Variants in FNTB observed in about 807,000 individuals in gnomAD.
FNTB encodes protein farnesyltransferase subunit beta.
Under a neutral mutation model 59.4 loss-of-function variants are expected in FNTB, and 27 were observed. The ratio of observed to expected loss-of-function variants is 0.45; its 90% CI spans 0.34 to 0.63. The LOEUF is 0.63. FNTB is among the 20% of genes least tolerant of loss of function. FNTB has a pLI of 0.02. For missense variants in FNTB, 449 were observed against 559.6 expected (o/e 0.80, Z 1.99); for synonymous variants, 230 against 220.7 (o/e 1.04, Z -0.37).
At chr14:65,005,503 TTCTTTCTTTCTC>T (rs1321340800) in intron 2 of FNTB, among the ~76,000 whole-genome samples, 2 of 114,616 alleles carry the variant, frequency 1.7e-5, no homozygotes, top group Middle Eastern at 4.0e-3. Flanking sequence ...CTTTCTTTCT[TTCTTTCTTTCTC>T]TCTCTCTTTC....
At chr14:65,058,323 T>C (rs2062788415) in intron 11 of FNTB, among the ~76,000 whole-genome samples, 1 of 152,060 alleles carries the variant, frequency 6.6e-6, no homozygotes, top group Non-Finnish European at 1.5e-5. Flanking sequence ...CTGGAATCTT[T>C]TCTTATTTTC....
chr14:65,045,128 C>A (rs1249856512), intron 9 of FNTB, among the ~76,000 whole-genome samples: 1 of 150,774 alleles, frequency 6.6e-6, no homozygotes, highest in Non-Finnish European at 1.5e-5. Context: ...TGGGAACATT[C>A]TCTCTCTATC....
intron 2 of FNTB, among the ~76,000 whole-genome samples, chr14:65,010,066 T>A (rs1192337796): frequency 6.6e-6 from 1 of 152,220 alleles, no homozygotes; most frequent in African/African-American, 2.4e-5. Flanking sequence ...CTGCTCTGAA[T>A]GCTCTTGGAG....
rs751363609 is a variant in FNTB at position 65,027,809 on chromosome 14, C to T, written c.605+28C>T. The T allele has an allele frequency of 2.5e-6, 4 of 1,613,696 alleles. No individual in the cohort carries two copies. The Admixed American group carries it at 5.0e-5, about 20-fold the overall frequency. Reference sequence around the variant, plus strand: ...GAGTGGGGTTTTGCACAGGCTGCCACATCAGTTGACTCTAGAGCTCATCTG... The same window carrying T: ...GAGTGGGGTTTTGCACAGGCTGCCATATCAGTTGACTCTAGAGCTCATCTG... On this transcript the variant is annotated intron_variant, in intron 6 of 11. Coordinates refer to ENST00000246166, the MANE Select transcript of FNTB (RefSeq NM_002028.4). This position sits in a 1 kb window ranked among gnomAD's most constrained non-coding sequence, Gnocchi z 5.7.
At position 65,047,437 on chromosome 14, in the gene FNTB, C is replaced by T. The variant is rs1035205136; in HGVS notation, c.955+2994C>T. Among the ~76,000 whole-genome samples, 4 of 152,180 alleles carry T rather than the reference C, an allele frequency of 2.6e-5. No individual in the cohort carries two copies. Among genetic ancestry groups the T allele is most frequent in the African/African-American group, 9.7e-5 (4 of 41,422 alleles). The stretch of plus-strand genomic sequence containing the variant: ...ATCCAACGAAAAATTGTTTAGCTCA[C>T]TTGTAGTAAAAGAAATGCTAATCAA... On this transcript the variant is annotated intron_variant, in intron 9 of 11. Coordinates refer to ENST00000246166, the MANE Select transcript of FNTB (RefSeq NM_002028.4). The surrounding 1 kb of genome is among the most constrained non-coding windows in gnomAD (Gnocchi z 5.2).
intron 2 of FNTB, chr14:65,006,056 G>T (rs2061581912): frequency 7.3e-6 from 10 of 1,376,256 alleles, no homozygotes; most frequent in Admixed American, 2.3e-5. Context: ...TTGACTTCTT[G>T]AGATCTTCTA....
At position 65,032,750 on chromosome 14, in the gene FNTB, C is replaced by G; in HGVS notation, c.692+54C>G. The G allele has an allele frequency of 6.5e-7, 1 of 1,547,146 alleles. No individual in the cohort carries two copies. Among genetic ancestry groups the G allele is most frequent in the Non-Finnish European group, 8.8e-7 (1 of 1,140,552 alleles). ...TCTTGGAGAGCAGGCGGTCACGACA[C>G]TACTTCAGAAAAATAAAGAAAATGC... On this transcript the variant is annotated intron_variant, in intron 7 of 11. Coordinates refer to ENST00000246166, the MANE Select transcript of FNTB (RefSeq NM_002028.4). The surrounding 1 kb of genome is among the most constrained non-coding windows in gnomAD (Gnocchi z 5.0).
At chr14:64,987,183 T>G in intron 1 of FNTB, 86 bp downstream of exon 1, 2 of 1,500,492 alleles carry the variant, frequency 1.3e-6, no homozygotes, top group Non-Finnish European at 1.8e-6. Flanking sequence ...GGTGCGGAAC[T>G]CACCGGGGAA....
At chr14:65,039,798 A>G (rs2062303526) in intron 7 of FNTB, among the ~76,000 whole-genome samples, 1 of 152,228 alleles carries the variant, frequency 6.6e-6, no homozygotes, top group Admixed American at 6.5e-5. Context: ...TTTTAAAAAT[A>G]ACGTTTATTT....
intron 2 of FNTB, among the ~76,000 whole-genome samples, chr14:65,004,726 A>G (rs2061554809): frequency 6.6e-6 from 1 of 151,798 alleles, no homozygotes; most frequent in South Asian, 2.1e-4. Context: ...GCAGTGGCAC[A>G]ATCTCGGCTC....
intron 7 of FNTB, among the ~76,000 whole-genome samples, 178 bp from the exon 8 acceptor site, chr14:65,040,604 CTTTTTTTT>C (rs35890649): frequency 8.5e-6 from 1 of 117,326 alleles, no homozygotes; most frequent in South Asian, 2.7e-4. Context: ...CCAGGCCCAG[CTTTTTTTT>C]TTTTTTTTTT....
At chr14:65,035,199 CT>C (rs1197140486) in intron 7 of FNTB, among the ~76,000 whole-genome samples, 2 of 152,302 alleles carry the variant, frequency 1.3e-5, no homozygotes, top group African/African-American at 4.8e-5. Context: ...GCCCTGACCC[CT>C]GACCCCTGGC....
Position 65,009,378 on chromosome 14 carries a change from C to T in FNTB, c.210-2939C>T, listed in dbSNP as rs73268763. 3.9e-5 allele frequency among the ~76,000 whole-genome samples: 6 copies of T among 152,052 alleles called. No individual in the cohort carries two copies. Among genetic ancestry groups the T allele is most frequent in the Admixed American group, 2.0e-4 (3 of 15,266 alleles). ...CTAACTGCCTTATAATCCTTTTATT[C>T]GTCTCATGTAGATTCCCTAACACAC... On this transcript the variant is annotated intron_variant, in intron 2 of 11. Coordinates refer to ENST00000246166, the MANE Select transcript of FNTB (RefSeq NM_002028.4). This position sits in a 1 kb window ranked among gnomAD's most constrained non-coding sequence, Gnocchi z 4.2.
In FNTB at chr14:65,044,250, T is replaced by C. The variant is rs1334388798; in HGVS notation, c.823-61T>C. The C allele has an allele frequency of 8.1e-6, 13 of 1,607,302 alleles. No individual in the cohort carries two copies. In the Admixed American group the frequency reaches 2.2e-4, roughly 27 times the overall value. On this transcript the variant is annotated intron_variant, in intron 8 of 11. Transcript: ENST00000246166. The surrounding 1 kb of genome is among the most constrained non-coding windows in gnomAD (Gnocchi z 5.5). Reference sequence around the variant, plus strand: ...CCCACAGATTGACTCCTGGAGATTCTGTCGGGCTGGATTTTGTCTCTTTTA... The same window carrying C: ...CCCACAGATTGACTCCTGGAGATTCCGTCGGGCTGGATTTTGTCTCTTTTA...
chr14:65,051,303 T>A (rs2062602742), intron 9 of FNTB, among the ~76,000 whole-genome samples: 1 of 152,244 alleles, frequency 6.6e-6, no homozygotes, highest in African/African-American at 2.4e-5. Flanking sequence ...ATTCTTATTG[T>A]CTGTTTGAAA....
chr14:65,022,958 T>C (rs966266816), intron 4 of FNTB, among the ~76,000 whole-genome samples: 2 of 152,214 alleles, frequency 1.3e-5, no homozygotes, highest in African/African-American at 4.8e-5. Flanking sequence ...TTTATTCTTA[T>C]TGGTTTCTGA....
intron 2 of FNTB, chr14:65,006,126 T>C: frequency 1.9e-6 from 3 of 1,599,924 alleles, no homozygotes; most frequent in Non-Finnish European, 2.6e-6. Flanking sequence ...ACATTATAAA[T>C]AGGTCCAGCT....
chr14:64,999,007 A>G (rs56354838), intron 1 of FNTB, among the ~76,000 whole-genome samples: 1 of 152,158 alleles, frequency 6.6e-6, no homozygotes, highest in Non-Finnish European at 1.5e-5. Context: ...TAAAAAGAAA[A>G]GGAGTACTGG....
In FNTB at chr14:65,044,173, C is replaced by T; in HGVS notation, c.823-138C>T. On this transcript the variant is annotated intron_variant, in intron 8 of 11. Transcript: ENST00000246166. The surrounding 1 kb of genome is among the most constrained non-coding windows in gnomAD (Gnocchi z 5.5). ...GTGTGGGGAGGGAAGGAAAGAAAAC[C>T]AGAGCACCAAAACTAGAGTGCCAAG... The T allele has an allele frequency of 4.1e-6, 6 of 1,470,684 alleles. No homozygotes were observed. The highest frequency in any genetic ancestry group is 5.6e-6 in the Non-Finnish European group (6 of 1,072,904). 91.1% of individuals were successfully genotyped at this position (1,470,684 alleles called of 1,614,324 possible). A position where few individuals can be genotyped will look rare whatever the true frequency, so the allele number is the denominator to read the frequency against.
Sources: allele counts gnomAD v4.1 joint callset (sites outside exome capture counted in the v4.1 genomes callset), GRCh38; gene constraint gnomAD v4.1.1; non-coding constraint Gnocchi (gnomAD v3.1); transcripts MANE v1.5; gene names NCBI Gene and HGNC (gene_info 2026-07-23, HGNC 2026-07-21).